Variants in KIF13A observed in about 807,000 individuals in gnomAD.
KIF13A encodes kinesin-like protein KIF13A.
Under a neutral mutation model 212.2 loss-of-function variants are expected in KIF13A, and 79 were observed. The ratio of observed to expected loss-of-function variants is 0.37; its 90% CI spans 0.31 to 0.45. The LOEUF is 0.45. Ranked by LOEUF, KIF13A falls within the 20% of genes least tolerant of loss-of-function variation. The pLI is 1.00. For synonymous variants in KIF13A, 789 were observed against 808.6 expected (o/e 0.98, Z 0.41); for missense variants, 1,901 against 2,209.0 (o/e 0.86, Z 2.79).
rs58165807 is a variant in KIF13A, at chr6:17,814,841, G to C, written c.2000+2179C>G. ...TATTATTACCATTTCCTCCACTGTA[G>C]GGTCCAGCCCCACTGGGTCTGTGGA... is the stretch of plus-strand genomic sequence containing the variant. On this transcript the variant is annotated intron_variant, in intron 17 of 38. Coordinates refer to ENST00000259711, the MANE Select transcript of KIF13A (RefSeq NM_022113.6). Among the ~76,000 whole-genome samples the C allele has an allele frequency of 6.9e-3, 1,044 of 152,270 alleles. 10 individuals carry two copies. The highest frequency in any genetic ancestry group is 0.024 in the African/African-American group (987 of 41,550).
At position 17,771,470 on chromosome 6, in the gene KIF13A, C is replaced by CA. The variant is rs1759487302; in HGVS notation, c.4477-253dup. 4.3e-6 allele frequency: 2 copies of CA among 461,224 alleles called. No individual in the cohort carries two copies. The highest frequency in any genetic ancestry group is 3.8e-6 in the Non-Finnish European group (1 of 259,944). 28.6% of individuals were successfully genotyped at this position (461,224 alleles called of 1,614,324 possible). ...GACCAGGTACAACGGCTCATGCCTG[C>CA]AATCCCAGTGCCTTGGGAGGCTGGG... On this transcript the variant is annotated intron_variant, in intron 37 of 38. Transcript: ENST00000259711. This position sits in a 1 kb window ranked among gnomAD's most constrained non-coding sequence, Gnocchi z 5.4.
chr6:17,807,215 A>C (rs1444414986), intron 18 of KIF13A, among the ~76,000 whole-genome samples: 1 of 152,142 alleles, frequency 6.6e-6, no homozygotes, highest in Non-Finnish European at 1.5e-5. Context: ...ATAAGGTCTG[A>C]CTGCCTGCAG....
rs1349553643 is a variant in KIF13A, at chr6:17,900,414, A to T, written c.147-2234T>A. Among the ~76,000 whole-genome samples, 3 of 152,272 alleles carry T rather than the reference A, an allele frequency of 2.0e-5. No individual in the cohort carries two copies. Among genetic ancestry groups the T allele is most frequent in the Non-Finnish European group, 4.4e-5 (3 of 68,052 alleles). On this transcript the variant is annotated intron_variant, in intron 2 of 38. Coordinates refer to ENST00000259711, the MANE Select transcript of KIF13A (RefSeq NM_022113.6). This position sits in a 1 kb window ranked among gnomAD's most constrained non-coding sequence, Gnocchi z 4.6. The stretch of plus-strand genomic sequence containing the variant: ...CCAATCCTATTTCAGCATTTTAAGC[A>T]CTTTAAAAGTCTTTCTCACTTAGAA...
chr6:17,763,911 A>G lies in KIF13A; in HGVS notation c.*199T>C, dbSNP rs906507777. ...TCAACACCAACCCATGTGCCAGGTAAAAAAATCCACTGGTCTTATAATTTC... is the reference window on the plus strand; with the variant it reads ...TCAACACCAACCCATGTGCCAGGTAGAAAAATCCACTGGTCTTATAATTTC... On this transcript the variant is annotated 3_prime_UTR_variant, in exon 39 of 39. Transcript: ENST00000259711. 1.1e-5 allele frequency: 15 copies of G among 1,422,110 alleles called. No homozygotes were observed. The highest frequency in any genetic ancestry group is 1.4e-5 in the Non-Finnish European group (15 of 1,092,786). The allele number at this position is 1,422,110 out of a possible 1,614,324, so 88.1% of individuals were successfully genotyped here. A position where few individuals can be genotyped will look rare whatever the true frequency, so the allele number is the denominator to read the frequency against.
chr6:17,895,943 T>C lies in KIF13A; in HGVS notation c.159+2225A>G, dbSNP rs942820824. Among the ~76,000 whole-genome samples the C allele has an allele frequency of 1.3e-5, 2 of 152,230 alleles. No individual in the cohort carries two copies. Among genetic ancestry groups the C allele is most frequent in the Non-Finnish European group, 2.9e-5 (2 of 68,040 alleles). ...ACTTTCATTCTATGAATTTCACAAA[T>C]ATTTTGCCTCTTGTGGTCTTTAATA... On this transcript the variant is annotated intron_variant, in intron 3 of 38. Transcript: ENST00000259711. The surrounding 1 kb of genome is among the most constrained non-coding windows in gnomAD (Gnocchi z 4.4).
chr6:17,780,627 T>C lies in KIF13A; in HGVS notation c.3846+103A>G, dbSNP rs889509309. On this transcript the variant is annotated intron_variant, in intron 31 of 38. Transcript: ENST00000259711. ...GACTATAACTTGGCCAGGATGGTCA[T>C]GTTTTGCACATCACAGCACCAAAAA... 4 of 1,066,212 alleles carry C rather than the reference T, an allele frequency of 3.8e-6. No homozygotes were observed. The African/African-American group carries it at 4.7e-5, about 13-fold the overall frequency. The allele number at this position is 1,066,212 out of a possible 1,614,324, so 66.0% of individuals were successfully genotyped here.
chr6:17,808,723 T>C (rs1763186532), intron 18 of KIF13A, 45 bp downstream of exon 18: 6 of 1,544,882 alleles, frequency 3.9e-6, no homozygotes, highest in Non-Finnish European at 5.3e-6. Flanking sequence ...TTTTACAATA[T>C]TTACTATTGT....
rs1031300745 is a variant in KIF13A at position 17,951,744 on chromosome 6, C to T, written c.146+35310G>A. ...TGGTTCCTTATGACTGCTTATTTCA[C>T]TTAATGTTATGTTTACAAAAAGTTC... On this transcript the variant is annotated intron_variant, in intron 2 of 38. Transcript: ENST00000259711. The surrounding 1 kb of genome is among the most constrained non-coding windows in gnomAD (Gnocchi z 4.9). Among the ~76,000 whole-genome samples the T allele has an allele frequency of 6.6e-6, 1 of 152,162 alleles. No homozygotes were observed. Among genetic ancestry groups the T allele is most frequent in the Admixed American group, 6.5e-5 (1 of 15,274 alleles).
chr6:17,962,280 C>T (rs1043148741), intron 2 of KIF13A, among the ~76,000 whole-genome samples: 8 of 151,654 alleles, frequency 5.3e-5, no homozygotes, highest in African/African-American at 1.5e-4. Flanking sequence ...CAGTGCACTC[C>T]AGTCTAGATG....
intron 2 of KIF13A, among the ~76,000 whole-genome samples, chr6:17,957,431 T>C (rs1443623181): frequency 1.3e-5 from 2 of 152,168 alleles, no homozygotes; most frequent in Non-Finnish European, 2.9e-5. Context: ...TGGCTGTTTA[T>C]TTGTATCCTC....
At chr6:17,932,360 A>T (rs1471458314) in intron 2 of KIF13A, among the ~76,000 whole-genome samples, 1 of 152,252 alleles carries the variant, frequency 6.6e-6, no homozygotes, top group African/African-American at 2.4e-5. Context: ...TAATGCAATT[A>T]AACACCAAGA....
chr6:17,972,536 T>G (rs563654310), intron 2 of KIF13A, among the ~76,000 whole-genome samples: 1 of 152,324 alleles, frequency 6.6e-6, no homozygotes, highest in South Asian at 2.1e-4. Context: ...TAAGTATGTT[T>G]AAAGGCTTGT....
intron 18 of KIF13A, among the ~76,000 whole-genome samples, chr6:17,808,279 G>A (rs1289957522): frequency 1.3e-5 from 2 of 152,094 alleles, no homozygotes; most frequent in African/African-American, 2.4e-5. Context: ...CCAGCTACTC[G>A]GGAGGTTGAG....
At chr6:17,969,830 AG>A (rs1364486418) in intron 2 of KIF13A, among the ~76,000 whole-genome samples, 2 of 152,242 alleles carry the variant, frequency 1.3e-5, no homozygotes, top group Non-Finnish European at 2.9e-5. Context: ...GATATTTAAC[AG>A]AAGCATTCTA....
At chr6:17,905,198 ATTC>A (rs1193043082) in intron 2 of KIF13A, among the ~76,000 whole-genome samples, 5 of 152,332 alleles carry the variant, frequency 3.3e-5, no homozygotes, top group South Asian at 2.1e-4. Context: ...GCTCAAGACA[ATTC>A]TTCTTCTTCC....
At chr6:17,965,111 G>A (rs1486772891) in intron 2 of KIF13A, among the ~76,000 whole-genome samples, 1 of 152,198 alleles carries the variant, frequency 6.6e-6, no homozygotes, top group African/African-American at 2.4e-5. Flanking sequence ...ATTAAGGCAT[G>A]AGCCACTGCA....
In KIF13A at chr6:17,898,275, TA is replaced by T; in HGVS notation, c.147-96del. On this transcript the variant is annotated intron_variant, in intron 2 of 38. Transcript: ENST00000259711. This position sits in a 1 kb window ranked among gnomAD's most constrained non-coding sequence, Gnocchi z 5.2. ...AGGGAAACAATGAAAGAGAAAAAAA[TA>T]AGGTAAATTCAGCACCTTGATAACA... The T allele has an allele frequency of 8.1e-7, 1 of 1,240,626 alleles. No individual in the cohort carries two copies. Among genetic ancestry groups the T allele is most frequent in the Non-Finnish European group, 1.2e-6 (1 of 866,822 alleles). The allele number at this position is 1,240,626 out of a possible 1,614,324, so 76.9% of individuals were successfully genotyped here.
intron 16 of KIF13A, 28 bp from the exon 17 acceptor site, chr6:17,817,261 G>A: frequency 3.1e-6 from 5 of 1,597,304 alleles, no homozygotes; most frequent in Non-Finnish European, 4.3e-6. Context: ...AAGGCAAGGT[G>A]TCTTAGTGGC....
At chr6:17,859,638 A>ATATATATATTTTTTTTTTTTTTTTTTT (rs1461455926) in intron 4 of KIF13A, among the ~76,000 whole-genome samples, 1 of 111,858 alleles carries the variant, frequency 8.9e-6, no homozygotes, top group Admixed American at 9.2e-5. Flanking sequence ...ATATATATAT[A>ATATATATATTTTTTTTTTTTTTTTTTT]TTTTTTTTTT....
Sources: allele counts gnomAD v4.1 joint callset (sites outside exome capture counted in the v4.1 genomes callset), GRCh38; gene constraint gnomAD v4.1.1; non-coding constraint Gnocchi (gnomAD v3.1); transcripts MANE v1.5; gene names NCBI Gene and HGNC (gene_info 2026-07-23, HGNC 2026-07-21).